The following PRKCE variants were observed in gnomAD, a reference collection of about 807,000 sequenced individuals.
PRKCE encodes the protein protein kinase C epsilon.
Under a neutral mutation model 85.4 loss-of-function variants are expected in PRKCE, and 16 were observed. The ratio of observed to expected loss-of-function variants is 0.19; its 90% confidence interval spans 0.13 to 0.28. The LOEUF (loss-of-function observed/expected upper bound fraction) is 0.28. Ranked by LOEUF, PRKCE falls within the 10% of genes least tolerant of loss-of-function variation. The pLI is 1.00. For missense variants in PRKCE, 573 were observed against 975.2 expected, an observed-to-expected ratio of 0.59 and a Z score of 5.49; for synonymous variants, 388 against 371.5, an observed-to-expected ratio of 1.04 and a Z score of -0.51.
chr2:45,985,280 C>T (rs1354726666), intron 6 of PRKCE, among the ~76,000 whole-genome samples: 1 of 152,174 alleles, frequency 6.6e-6, no homozygotes, highest in Non-Finnish European at 1.5e-5. Flanking sequence ...TCCTCAGTTC[C>T]TTCCTGTTTC....
chr2:46,064,574 C>G (rs1209346245), intron 10 of PRKCE, among the ~76,000 whole-genome samples: 3 of 152,146 alleles, frequency 2.0e-5, no homozygotes, highest in Non-Finnish European at 4.4e-5. Flanking sequence ...GAAGCAGAGT[C>G]TGACTGAATA....
At chr2:45,677,117 G>C (rs1676503456) in intron 1 of PRKCE, 2 of 151,986 alleles carry the variant, frequency 1.3e-5, no homozygotes, top group African/African-American at 4.8e-5. Context: ...GCGAAGTACT[G>C]TGGGGGGTGG....
chr2:45,661,842 A>G (rs1351163914), intron 1 of PRKCE, among the ~76,000 whole-genome samples: 1 of 152,094 alleles, frequency 6.6e-6, no homozygotes, highest in Non-Finnish European at 1.5e-5. Flanking sequence ...CCCAGCCTAG[A>G]AGAGTTTTAA....
At chr2:46,037,853 A>T (rs965867537) in intron 10 of PRKCE, among the ~76,000 whole-genome samples, 2 of 152,222 alleles carry the variant, frequency 1.3e-5, no homozygotes, top group South Asian at 2.1e-4. Flanking sequence ...TTGAAGCTGG[A>T]TACATATGTG....
In PRKCE at chr2:46,112,340, T is replaced by G. The variant is rs563252735; in HGVS notation, c.1592+25978T>G. ...ATAGTGGAGTATTGTGGATTTTTGG[T>G]TTGTTTTGGTTTGCTTGCTTGTTTT... On this transcript the variant is annotated intron_variant, in intron 11 of 14. Coordinates refer to ENST00000306156, the MANE Select transcript of PRKCE (RefSeq NM_005400.3). 1.6e-3 allele frequency among the ~76,000 whole-genome samples: 246 copies of G among 152,276 alleles called. 3 individuals carry two copies. The highest frequency in any genetic ancestry group is 0.01 in the South Asian group (50 of 4,826).
Position 46,004,584 on chromosome 2 carries a change from T to C in PRKCE, c.1009T>C (p.Ser337Pro). 1.3e-6 allele frequency: 2 copies of C among 1,592,130 alleles called. No individual in the cohort carries two copies. Among genetic ancestry groups the C allele is most frequent in the Non-Finnish European group, 1.7e-6 (2 of 1,176,480 alleles). ...GTCCCCGCAGCCTGCTTCTGGAAGC[T>C]CACCATCTGAGGAAGATCGATCCAA... ...AESPQPASGS[S>P]PSEEDRSKSA... is the part of the protein sequence containing the mutation. Residue 337 changes from serine to proline, a missense_variant, in exon 8 of 15, where the codon TCA becomes CCA. By Grantham distance (74) the Ser-to-Pro change is moderately conservative. This residue lies in a region of PRKCE where 117 missense variants were observed against 104.8 expected (regional missense o/e 1.12). Transcript: ENST00000306156. The surrounding 1 kb of genome is among the most constrained non-coding windows in gnomAD (Gnocchi z 4.1).
intron 14 of PRKCE, among the ~76,000 whole-genome samples, chr2:46,160,584 G>C (rs1375652666): frequency 2.0e-5 from 3 of 152,158 alleles, no homozygotes; most frequent in African/African-American, 7.2e-5. Context: ...GAGGTGAAGG[G>C]GGGTGTGCAA....
chr2:45,789,670 C>T (rs1223708884), intron 1 of PRKCE, among the ~76,000 whole-genome samples: 1 of 152,154 alleles, frequency 6.6e-6, no homozygotes, highest in Admixed American at 6.5e-5. Flanking sequence ...ATTCTCAACC[C>T]TCAGCCCTGG....
chr2:45,949,457 T>C (rs79077110), intron 2 of PRKCE, among the ~76,000 whole-genome samples: 2,643 of 149,162 alleles, frequency 0.018, 83 homozygotes, highest in African/African-American at 0.062. Context: ...GTAGGAGTTT[T>C]TAATATACAT....
chr2:46,012,593 C>G (rs897763809), intron 10 of PRKCE, among the ~76,000 whole-genome samples: 1 of 152,304 alleles, frequency 6.6e-6, no homozygotes. Flanking sequence ...GGCAGGGAGC[C>G]ACTCTGGCAA....
intron 2 of PRKCE, among the ~76,000 whole-genome samples, chr2:45,921,566 A>T (rs1458909527): frequency 1.3e-5 from 2 of 152,212 alleles, no homozygotes; most frequent in African/African-American, 4.8e-5. Flanking sequence ...ACTGGGTCAC[A>T]TGCTCAAGGT....
intron 2 of PRKCE, among the ~76,000 whole-genome samples, chr2:45,898,801 C>T (rs1018125429): frequency 1.3e-5 from 2 of 152,178 alleles, no homozygotes; most frequent in Non-Finnish European, 2.9e-5. Context: ...GTGGAGAAGG[C>T]CTGCCTTGGC....
intron 2 of PRKCE, among the ~76,000 whole-genome samples, chr2:45,888,999 C>A (rs1573760393): frequency 1.3e-5 from 2 of 151,912 alleles, no homozygotes; most frequent in South Asian, 2.1e-4. Flanking sequence ...TCCTGAGATA[C>A]CCCCAAAGAG....
chr2:46,150,300 G>A (rs1356558311), intron 12 of PRKCE, among the ~76,000 whole-genome samples: 1 of 152,212 alleles, frequency 6.6e-6, no homozygotes, highest in Non-Finnish European at 1.5e-5. Context: ...AGACAATCAA[G>A]GAGATGGTTC....
At chr2:45,801,729 C>G (rs1391503246) in intron 1 of PRKCE, among the ~76,000 whole-genome samples, 1 of 152,080 alleles carries the variant, frequency 6.6e-6, no homozygotes, top group Non-Finnish European at 1.5e-5. Context: ...GGAAATGCAG[C>G]CCCAGAAAGG....
chr2:45,843,993 G>A (rs1327806521), intron 2 of PRKCE, among the ~76,000 whole-genome samples: 6 of 152,172 alleles, frequency 3.9e-5, no homozygotes, highest in Non-Finnish European at 1.5e-5. Context: ...CTCCTGCCTG[G>A]AACACTTGGG....
chr2:45,808,829 G>A (rs1016769225), intron 1 of PRKCE, among the ~76,000 whole-genome samples: 7 of 152,256 alleles, frequency 4.6e-5, no homozygotes, highest in African/African-American at 1.7e-4. Flanking sequence ...TTAGCGGGAG[G>A]GGATGCTGGT....
Position 46,070,749 on chromosome 2 carries a change from C to G in PRKCE, c.1438-15459C>G, listed in dbSNP as rs137964994. Among the ~76,000 whole-genome samples the G allele has an allele frequency of 5.1e-3, 776 of 152,294 alleles. 8 individuals are homozygous for G. The highest frequency in any genetic ancestry group is 0.017 in the African/African-American group (712 of 41,562). ...ACAGAAAGAGCCCCTGGCTTTGGGA[C>G]AGACACGGGGTCAAATTCTGGCTGT... On this transcript the variant is annotated intron_variant, in intron 10 of 14. Coordinates refer to ENST00000306156, the MANE Select transcript of PRKCE (RefSeq NM_005400.3).
chr2:45,942,213 G>C (rs1237008757), intron 2 of PRKCE, among the ~76,000 whole-genome samples: 1 of 152,180 alleles, frequency 6.6e-6, no homozygotes, highest in Admixed American at 6.5e-5. Context: ...GTTACATGTT[G>C]ACAGGCTGAA....
Sources: allele counts gnomAD v4.1 joint callset (sites outside exome capture counted in the v4.1 genomes callset), GRCh38; gene constraint gnomAD v4.1.1; regional missense constraint gnomAD v4.1.1; non-coding constraint Gnocchi (gnomAD v3.1); transcripts MANE v1.5; gene names NCBI Gene and HGNC (gene_info 2026-07-23, HGNC 2026-07-21).